CPD: variants seen among roughly 807,000 people sequenced by gnomAD.
CPD encodes the protein carboxypeptidase D.
In CPD, 69 loss-of-function variants were observed where a neutral mutation model predicts 138.3. The ratio of observed to expected loss-of-function variants is 0.50; its 90% CI spans 0.41 to 0.61. CPD has a LOEUF of 0.61. Ranked by LOEUF, CPD falls within the 20% of genes least tolerant of loss-of-function variation. The probability of loss-of-function intolerance (pLI) is 0.00; values close to 1 mark genes in which losing one functional copy is unlikely to be tolerated. For missense variants in CPD, 1,432 were observed against 1,733.3 expected (o/e 0.83, Z 3.09); for synonymous variants, 651 against 642.1 (o/e 1.01, Z -0.21).
intron 2 of CPD, among the ~76,000 whole-genome samples, chr17:30,411,948 T>G (rs1000346427): frequency 2.0e-5 from 3 of 152,192 alleles, no homozygotes; most frequent in African/African-American, 4.8e-5. Context: ...CGCTCTGGTT[T>G]TTGGAATTTT....
intron 2 of CPD, among the ~76,000 whole-genome samples, chr17:30,401,913 T>G (rs1197014637): frequency 6.6e-6 from 1 of 151,634 alleles, no homozygotes; most frequent in African/African-American, 2.4e-5. Flanking sequence ...TTTGCCAAAT[T>G]TATGGTGTTT....
chr17:30,456,033 G>T, intron 15 of CPD: 2 of 517,680 alleles, frequency 3.9e-6, no homozygotes, highest in Admixed American at 3.6e-5. Context: ...GTGATAGTCT[G>T]TTGTGAAAAC....
intron 9 of CPD, 64 bp from the exon 10 acceptor site, chr17:30,442,244 C>A (rs1238186803): frequency 4.0e-6 from 6 of 1,505,658 alleles, no homozygotes; most frequent in Non-Finnish European, 5.4e-6. Context: ...ATGTTGCTTA[C>A]CTTTTGGGAT....
At chr17:30,387,101 T>G (rs1911211908) in intron 2 of CPD, among the ~76,000 whole-genome samples, 2 of 152,212 alleles carry the variant, frequency 1.3e-5, no homozygotes, top group Admixed American at 1.3e-4. Context: ...ATGTTATTTT[T>G]TAAAGAATTG....
rs901313250 is a variant in CPD, at chr17:30,396,375, T to TA, written c.994+11150dup. Reference sequence around the variant, plus strand: ...TTTATAGTTGGCCTGCAGAGGCAAGTAAAAAAAAAAACAAAAAAAACTTGC... The same window carrying TA: ...TTTATAGTTGGCCTGCAGAGGCAAGTAAAAAAAAAAAACAAAAAAAACTTGC... On this transcript the variant is annotated intron_variant, in intron 2 of 20. Transcript: ENST00000225719. Among the ~76,000 whole-genome samples the TA allele has an allele frequency of 5.7e-3, 831 of 145,010 alleles. 4 individuals carry two copies. The highest frequency in any genetic ancestry group is 0.011 in the African/African-American group (436 of 39,864).
At chr17:30,401,200 C>T (rs193110461) in intron 2 of CPD, among the ~76,000 whole-genome samples, 15 of 151,218 alleles carry the variant, frequency 9.9e-5, no homozygotes, top group Admixed American at 8.6e-4. Context: ...TTTATTGCTG[C>T]TGCTGCTGCT....
At chr17:30,394,187 G>A (rs1470074809) in intron 2 of CPD, among the ~76,000 whole-genome samples, 1 of 71,152 alleles carries the variant, frequency 1.4e-5, no homozygotes, top group African/African-American at 6.1e-5. Flanking sequence ...AAAAAAAAAA[G>A]CTTATAATAC....
At chr17:30,393,961 C>T (rs1452181522) in intron 2 of CPD, among the ~76,000 whole-genome samples, 1 of 151,890 alleles carries the variant, frequency 6.6e-6, no homozygotes, top group Non-Finnish European at 1.5e-5. Flanking sequence ...ACTGGTGAGA[C>T]CTCATCTCTT....
intron 17 of CPD, among the ~76,000 whole-genome samples, chr17:30,457,474 A>G (rs1408400627): frequency 1.3e-5 from 2 of 152,164 alleles, no homozygotes; most frequent in Non-Finnish European, 2.9e-5. Context: ...TGGTATTACA[A>G]GTATCTGTCA....
intron 18 of CPD, 92 bp downstream of exon 18, chr17:30,461,403 ATTAT>A: frequency 2.1e-6 from 2 of 963,864 alleles, no homozygotes; most frequent in Non-Finnish European, 2.8e-6. Context: ...AAAAATGTAT[ATTAT>A]TTATTTTAAA....
chr17:30,445,608 T>TA lies in CPD; in HGVS notation c.2544-82dup, dbSNP rs551262529. 45 of 957,290 alleles carry TA rather than the reference T, an allele frequency of 4.7e-5. No homozygotes were observed. In the Middle Eastern group the frequency reaches 1.2e-3, roughly 27 times the overall value. The allele number at this position is 957,290 out of a possible 1,614,324, so 59.3% of individuals were successfully genotyped here. On this transcript the variant is annotated intron_variant, in intron 11 of 20. Coordinates refer to ENST00000225719, the MANE Select transcript of CPD (RefSeq NM_001304.5). ...GCACCACATTTATCCCAAGGATTCT[T>TA]ACGTTCTCTGCACACCTGCCTTCCC... is the stretch of plus-strand genomic sequence containing the variant.
At chr17:30,413,291 G>T (rs1912015506) in intron 2 of CPD, among the ~76,000 whole-genome samples, 1 of 152,170 alleles carries the variant, frequency 6.6e-6, no homozygotes, top group Non-Finnish European at 1.5e-5. Flanking sequence ...AATGACTAAA[G>T]GTGACTAATA....
chr17:30,461,056 A>G, intron 17 of CPD, 124 bp from the exon 18 acceptor site: 2 of 647,834 alleles, frequency 3.1e-6, no homozygotes, highest in South Asian at 2.7e-5. Context: ...AAAATGCTTT[A>G]CAGCTTCTTT....
chr17:30,383,927 G>A (rs1171321586), intron 1 of CPD, among the ~76,000 whole-genome samples: 1 of 151,876 alleles, frequency 6.6e-6, no homozygotes, highest in Non-Finnish European at 1.5e-5. Context: ...TAGGACTTTA[G>A]CATTTTTTTT....
rs1911706341 is a variant in CPD, at chr17:30,402,709, G to C, written c.994+17473G>C. 2.0e-5 allele frequency among the ~76,000 whole-genome samples: 3 copies of C among 151,996 alleles called. No individual in the cohort carries two copies. The South Asian group carries it at 6.2e-4, about 31-fold the overall frequency. Reference sequence around the variant, plus strand: ...TGACTTTTTTTCTTTATAATATATTGAGCTTTTACTGGTTATTTGAATGTC... The same window carrying C: ...TGACTTTTTTTCTTTATAATATATTCAGCTTTTACTGGTTATTTGAATGTC... On this transcript the variant is annotated intron_variant, in intron 2 of 20. Coordinates refer to ENST00000225719, the MANE Select transcript of CPD (RefSeq NM_001304.5).
At chr17:30,464,234 T>TA (rs758273064) in intron 20 of CPD, among the ~76,000 whole-genome samples, 31 of 150,720 alleles carry the variant, frequency 2.1e-4, no homozygotes, top group South Asian at 1.3e-3. Context: ...CTAGCAAAAA[T>TA]AAAAAAAAAT....
chr17:30,425,291 C>T (rs897118768), intron 6 of CPD, among the ~76,000 whole-genome samples: 1 of 152,174 alleles, frequency 6.6e-6, no homozygotes, highest in Non-Finnish European at 1.5e-5. Flanking sequence ...GTGAGCATAT[C>T]ACAATTTTCT....
intron 2 of CPD, among the ~76,000 whole-genome samples, chr17:30,402,959 A>G (rs1911713907): frequency 6.6e-6 from 1 of 152,124 alleles, no homozygotes; most frequent in Admixed American, 6.6e-5. Flanking sequence ...ATACAAAATT[A>G]GCTGGGCATG....
chr17:30,434,526 G>A (rs1260526430), intron 8 of CPD, among the ~76,000 whole-genome samples: 1 of 152,106 alleles, frequency 6.6e-6, no homozygotes, highest in Non-Finnish European at 1.5e-5. Context: ...CTGGAATACA[G>A]GGAAGAGATT....
Sources: allele counts gnomAD v4.1 joint callset (sites outside exome capture counted in the v4.1 genomes callset), GRCh38; gene constraint gnomAD v4.1.1; transcripts MANE v1.5; gene names NCBI Gene and HGNC (gene_info 2026-07-23, HGNC 2026-07-21).